The following TRPM2 variants were observed in gnomAD, a reference collection of about 807,000 sequenced individuals.
TRPM2 encodes estrogen-responsive element-associated gene 1 protein.
Under a neutral mutation model 174.0 loss-of-function variants are expected in TRPM2, and 161 were observed. The observed-to-expected ratio is 0.93, with a 90% CI of 0.81 to 1.05. The LOEUF (loss-of-function observed/expected upper bound fraction) is 1.05, where lower values mean the gene tolerates loss of function less well. Among genes scored for constraint, TRPM2 ranks in the 50% least tolerant of loss-of-function variants. The probability of loss-of-function intolerance (pLI) is 0.00; values close to 1 mark genes in which losing one functional copy is unlikely to be tolerated. For synonymous variants in TRPM2, 954 were observed against 861.3 expected (o/e 1.11, Z -1.88); for missense variants, 2,057 against 2,038.0 (o/e 1.01, Z -0.18).
chr21:44,413,014 T>C (rs1480026046), intron 19 of TRPM2, among the ~76,000 whole-genome samples: 1 of 152,120 alleles, frequency 6.6e-6, no homozygotes, highest in Non-Finnish European at 1.5e-5. Flanking sequence ...TTAACTACTG[T>C]TAACAACTTA....
At chr21:44,426,943 C>T (rs2050811797) in intron 26 of TRPM2, 67 bp from the exon 27 acceptor site, 4 of 1,487,070 alleles carry the variant, frequency 2.7e-6, no homozygotes, top group East Asian at 4.9e-5. Flanking sequence ...GGGGTGATCC[C>T]TCTGCCTGTC....
rs771158638 is a variant in TRPM2, at chr21:44,427,026, T to C, written c.3889T>C (p.Ser1297Pro). The C allele has an allele frequency of 1.9e-6, 3 of 1,602,942 alleles. No homozygotes were observed. The highest frequency in any genetic ancestry group is 1.3e-5 in the African/African-American group (1 of 74,902). ...TGCTCCCAGCACCCTGGAGCCACTG[T>C]CCACGATCCAGTACAACGTGGTGGA... is the stretch of plus-strand genomic sequence containing the variant. ...DPMGDTLEPL[S>P]TIQYNVVDGL... The change falls in exon 27 of 32, where the codon TCC becomes CCC. Residue 1297 changes from serine to proline, a missense_variant. Coordinates refer to ENST00000397928, the MANE Select transcript of TRPM2 (RefSeq NM_003307.4).
intron 2 of TRPM2, among the ~76,000 whole-genome samples, chr21:44,358,958 C>G (rs2048132199): frequency 6.6e-6 from 1 of 151,910 alleles, no homozygotes; most frequent in Non-Finnish European, 1.5e-5. Flanking sequence ...GAAAGGGGAC[C>G]CGAGCAGTTT....
chr21:44,382,730 G>C lies in TRPM2; in HGVS notation c.1228G>C (p.Val410Leu), dbSNP rs758657148. 6.2e-7 allele frequency: 1 copy of C among 1,614,020 alleles called. No individual in the cohort carries two copies. Among genetic ancestry groups the C allele is most frequent in the Non-Finnish European group, 8.5e-7 (1 of 1,179,972 alleles). The change falls in exon 9 of 32, where the codon GTC becomes CTC. Residue 410 changes from valine to leucine, a missense_variant. Physicochemically the swap from Val to Leu is conservative, Grantham distance 32 (BLOSUM62 1). Coordinates refer to ENST00000397928, the MANE Select transcript of TRPM2 (RefSeq NM_003307.4). Reference sequence around the variant, plus strand: ...ATGCTTGTTGCAGATCCAAGATATCGTCCGGAGGCGGCAGCTGCTGACTGT... The same window carrying C: ...ATGCTTGTTGCAGATCCAAGATATCCTCCGGAGGCGGCAGCTGCTGACTGT... ...VEWTKKIQDIVRRRQLLTVFR... is the reference protein window; with the variant it reads ...VEWTKKIQDILRRRQLLTVFR...
At position 44,353,676 on chromosome 21, in the gene TRPM2, T is replaced by A. The variant is rs57287921; in HGVS notation, c.-25T>A. 542 of 1,464,454 alleles carry A rather than the reference T, an allele frequency of 3.7e-4. 4 individuals carry two copies. The African/African-American group carries it at 7.1e-3, about 19-fold the overall frequency. 90.7% of individuals were successfully genotyped at this position (1,464,454 alleles called of 1,614,324 possible). On this transcript the variant is annotated 5_prime_UTR_variant, in exon 1 of 32. It adds an upstream start codon to the 5' untranslated region. Transcript: ENST00000397928. ...ACTGTCCTGAGGGCAGCAGGCCTGG[T>A]TGCAGCTGGCGTGGGGGTCTCAGAA... is the stretch of plus-strand genomic sequence containing the variant.
intron 2 of TRPM2, among the ~76,000 whole-genome samples, chr21:44,363,527 T>C (rs1209263147): frequency 6.6e-6 from 1 of 152,230 alleles, no homozygotes. Flanking sequence ...TTGCATTTGG[T>C]ATATCTTCTC....
chr21:44,441,682 G>A lies in TRPM2; in HGVS notation c.4387-10G>A. 1 of 1,605,462 alleles carries A rather than the reference G, an allele frequency of 6.2e-7. No homozygotes were observed. The highest frequency in any genetic ancestry group is 1.3e-5 in the African/African-American group (1 of 75,002). On this transcript the variant is annotated splice_polypyrimidine_tract_variant and intron_variant, in intron 31 of 31. Transcript: ENST00000397928. Reference sequence around the variant, plus strand: ...GGCGGGGAGGGTCAGCTGTGCCCTTGTTCTTCCAGAACCTGCACGCCTGCG... The same window carrying A: ...GGCGGGGAGGGTCAGCTGTGCCCTTATTCTTCCAGAACCTGCACGCCTGCG...
chr21:44,424,777 T>C, intron 23 of TRPM2, 75 bp from the exon 24 acceptor site: 1 of 943,852 alleles, frequency 1.1e-6, no homozygotes, highest in Admixed American at 3.5e-5. Context: ...GGGAGTGAAG[T>C]CTCGGTGGGC....
intron 4 of TRPM2, among the ~76,000 whole-genome samples, chr21:44,368,413 C>A (rs912346963): frequency 7.0e-6 from 1 of 143,434 alleles, no homozygotes; most frequent in Admixed American, 7.0e-5. Flanking sequence ...GGCTGATTGG[C>A]TGTTTTTTTT....
intron 27 of TRPM2, among the ~76,000 whole-genome samples, chr21:44,428,644 C>G (rs891593008): frequency 6.7e-6 from 1 of 149,710 alleles, no homozygotes; most frequent in African/African-American, 2.5e-5. Context: ...TGTGGCTCCT[C>G]CCTGAGGTGT....
chr21:44,363,251 G>T (rs1307547709), intron 2 of TRPM2, among the ~76,000 whole-genome samples: 2 of 152,124 alleles, frequency 1.3e-5, no homozygotes, highest in Non-Finnish European at 2.9e-5. Context: ...ACATTTTCAG[G>T]ATCACTGTCT....
intron 22 of TRPM2, among the ~76,000 whole-genome samples, chr21:44,421,939 A>G (rs1247927503): frequency 1.3e-5 from 2 of 152,178 alleles, no homozygotes; most frequent in Admixed American, 1.3e-4. Context: ...GTATGTGAGT[A>G]GAAGTTTTCC....
intron 8 of TRPM2, among the ~76,000 whole-genome samples, chr21:44,379,899 G>C (rs2048829405): frequency 6.6e-6 from 1 of 152,258 alleles, no homozygotes; most frequent in Non-Finnish European, 1.5e-5. Context: ...CAGCAAGCCA[G>C]GGCCGGCAGA....
intron 22 of TRPM2, among the ~76,000 whole-genome samples, chr21:44,422,937 G>A (rs1343161127): frequency 6.5e-4 from 3 of 4,594 alleles, no homozygotes; most frequent in African/African-American, 2.4e-3. Context: ...TAATAGCGCC[G>A]CTCTACAACC....
chr21:44,389,609 T>C (rs952415052), intron 9 of TRPM2, among the ~76,000 whole-genome samples: 6 of 152,182 alleles, frequency 3.9e-5, no homozygotes, highest in African/African-American at 1.4e-4. Flanking sequence ...TGACATCTCA[T>C]TGTGGTTTGA....
intron 2 of TRPM2, among the ~76,000 whole-genome samples, chr21:44,361,882 T>C (rs2146134123): frequency 6.6e-6 from 1 of 152,284 alleles, no homozygotes; most frequent in Admixed American, 6.5e-5. Context: ...TTAATTTTTG[T>C]ATTTTTGGTA....
intron 22 of TRPM2, among the ~76,000 whole-genome samples, chr21:44,420,678 A>T (rs2050517095): frequency 6.6e-6 from 1 of 152,184 alleles, no homozygotes; most frequent in Admixed American, 6.5e-5. Context: ...CAGGGCCCAG[A>T]TGCTGGGGGA....
chr21:44,397,384 C>T (rs1474276895), intron 12 of TRPM2, among the ~76,000 whole-genome samples: 1 of 152,172 alleles, frequency 6.6e-6, no homozygotes, highest in Non-Finnish European at 1.5e-5. Context: ...AAAACTGGTT[C>T]TGTGGTTATG....
intron 11 of TRPM2, among the ~76,000 whole-genome samples, chr21:44,394,255 G>T (rs559339608): frequency 5.3e-4 from 80 of 151,498 alleles, no homozygotes; most frequent in Non-Finnish European, 1.0e-3. Context: ...ATATGCTTAG[G>T]AAGGTCCAAA....
Sources: gnomAD v4.1 joint callset for allele counts (sites outside exome capture counted in the v4.1 genomes callset) on GRCh38, gnomAD v4.1.1 for gene constraint, MANE v1.5 for transcripts, NCBI Gene and HGNC (gene_info 2026-07-23, HGNC 2026-07-21) for gene names.